Variants in GOLPH3 observed in about 807,000 individuals in gnomAD.
GOLPH3 encodes the protein coat protein GPP34.
GOLPH3 carries 14 observed loss-of-function variants against 28.5 expected under a neutral mutation model. The observed-to-expected ratio is 0.49, with a 90% confidence interval of 0.32 to 0.77. GOLPH3 has a LOEUF of 0.77. GOLPH3 is among the 30% of genes least tolerant of loss of function. GOLPH3 has a pLI of 0.03. For synonymous variants in GOLPH3, 158 were observed against 159.2 expected, an observed-to-expected ratio of 0.99 and a Z score of 0.06; for missense variants, 350 against 393.7, an observed-to-expected ratio of 0.89 and a Z score of 0.94.
At chr5:32,161,266 A>G (rs1304119275) in intron 1 of GOLPH3, among the ~76,000 whole-genome samples, 3 of 150,100 alleles carry the variant, frequency 2.0e-5, no homozygotes, top group African/African-American at 7.5e-5. Flanking sequence ...AGCCAGGTAT[A>G]GTGGCGCACG....
intron 1 of GOLPH3, 129 bp from the exon 2 acceptor site, chr5:32,144,009 A>G (rs986750123): frequency 2.4e-5 from 13 of 536,826 alleles, no homozygotes; most frequent in African/African-American, 2.4e-4. Flanking sequence ...CTATAATAAT[A>G]TACTGAAAAA....
chr5:32,143,212 C>T lies in GOLPH3; in HGVS notation c.357+537G>A, dbSNP rs530732793. Among the ~76,000 whole-genome samples, 57 of 152,060 alleles carry T rather than the reference C, an allele frequency of 3.7e-4. No homozygotes were observed. The South Asian group carries it at 0.011, about 30-fold the overall frequency. On this transcript the variant is annotated intron_variant, in intron 2 of 3. Transcript: ENST00000265070. ...CACTCAGGGTTGAATGGATTAAGGG[C>T]GGTGCAAGATGTGCTTTGTTAAACA...
At chr5:32,141,346 G>C (rs919843564) in intron 2 of GOLPH3, among the ~76,000 whole-genome samples, 1 of 152,020 alleles carries the variant, frequency 6.6e-6, no homozygotes, top group Non-Finnish European at 1.5e-5. Context: ...CAAACTGGAA[G>C]AAAAACAGTA....
intron 2 of GOLPH3, among the ~76,000 whole-genome samples, chr5:32,136,773 T>C (rs187774284): frequency 7.0e-4 from 107 of 152,330 alleles, no homozygotes; most frequent in African/African-American, 2.1e-3. Context: ...TTAAGTATAA[T>C]ACAAATATTC....
At chr5:32,135,877 G>C (rs984162401) in intron 2 of GOLPH3, among the ~76,000 whole-genome samples, 191 bp from the exon 3 acceptor site, 1 of 152,080 alleles carries the variant, frequency 6.6e-6, no homozygotes, top group African/African-American at 2.4e-5. Context: ...AACCAGATTA[G>C]ATATAATAAT....
intron 3 of GOLPH3, 110 bp downstream of exon 3, chr5:32,135,462 A>G: frequency 1.5e-6 from 1 of 678,238 alleles, no homozygotes; most frequent in Non-Finnish European, 2.6e-6. Flanking sequence ...AAGTTTGCCT[A>G]AATAACTAAA....
chr5:32,166,990 TAAA>T (rs886145673), intron 1 of GOLPH3, among the ~76,000 whole-genome samples: 7 of 151,722 alleles, frequency 4.6e-5, no homozygotes, highest in African/African-American at 1.7e-4. Flanking sequence ...TGCAAAGACA[TAAA>T]AAAGTGTACA....
intron 3 of GOLPH3, among the ~76,000 whole-genome samples, chr5:32,129,838 A>AC (rs564079110): frequency 7.2e-4 from 110 of 151,872 alleles, no homozygotes; most frequent in African/African-American, 2.5e-3. Flanking sequence ...AAAGTGTGTA[A>AC]CTTCCACCCT....
chr5:32,160,343 G>A (rs549911195), intron 1 of GOLPH3, among the ~76,000 whole-genome samples: 2 of 152,282 alleles, frequency 1.3e-5, no homozygotes, highest in East Asian at 3.9e-4. Flanking sequence ...CTCCCAAAGT[G>A]CTGGGATTAC....
rs750511308 is a variant in GOLPH3, at chr5:32,173,936, G to A, written c.99C>T (p.Ala33=). 57 of 1,481,882 alleles carry A rather than the reference G, an allele frequency of 3.8e-5. No individual in the cohort carries two copies. The highest frequency in any genetic ancestry group is 1.9e-4 in the Middle Eastern group (1 of 5,282). 91.8% of individuals were successfully genotyped at this position (1,481,882 alleles called of 1,614,324 possible). A position where few individuals can be genotyped will look rare whatever the true frequency, so the allele number is the denominator to read the frequency against. Residue 33 remains alanine, a synonymous_variant, in exon 1 of 4, where the codon GCC becomes GCT. Coordinates refer to ENST00000265070, the MANE Select transcript of GOLPH3 (RefSeq NM_022130.4). The part of the protein sequence containing the change: ...ADKERAAGGG[A]GSSEDDAQSR... ...TCTGCGCGTCGTCCTCGCTGCTGCC[G>A]GCGCCGCCGCCCGCCGCCCGCTCCT...
chr5:32,167,506 T>C (rs1746743325), intron 1 of GOLPH3, among the ~76,000 whole-genome samples: 1 of 152,052 alleles, frequency 6.6e-6, no homozygotes, highest in South Asian at 2.1e-4. Context: ...ATTCAAATGC[T>C]CCATACAAGA....
At chr5:32,135,113 T>G (rs968241347) in intron 3 of GOLPH3, among the ~76,000 whole-genome samples, 4 of 152,210 alleles carry the variant, frequency 2.6e-5, no homozygotes, top group African/African-American at 9.6e-5. Flanking sequence ...GCCAGAGTGA[T>G]GTGCTATGGT....
At chr5:32,146,784 G>C (rs1746186259) in intron 1 of GOLPH3, among the ~76,000 whole-genome samples, 2 of 152,054 alleles carry the variant, frequency 1.3e-5, no homozygotes, top group African/African-American at 4.8e-5. Flanking sequence ...ATGAGAAACA[G>C]ATAAAAAATT....
At chr5:32,149,788 C>A (rs529164479) in intron 1 of GOLPH3, among the ~76,000 whole-genome samples, 2 of 152,140 alleles carry the variant, frequency 1.3e-5, no homozygotes, top group East Asian at 1.9e-4. Flanking sequence ...CCTGAGGTCA[C>A]GAGTTCAAGA....
At chr5:32,149,962 G>C (rs1289991905) in intron 1 of GOLPH3, among the ~76,000 whole-genome samples, 2 of 151,708 alleles carry the variant, frequency 1.3e-5, no homozygotes, top group African/African-American at 4.8e-5. Flanking sequence ...CTTCAGCCTG[G>C]GCAAAAGAGT....
chr5:32,174,069 G>A lies in GOLPH3; in HGVS notation c.-35C>T. The A allele has an allele frequency of 8.1e-7, 1 of 1,240,826 alleles. No homozygotes were observed. 76.9% of individuals were successfully genotyped at this position (1,240,826 alleles called of 1,614,324 possible). On this transcript the variant is annotated 5_prime_UTR_variant, in exon 1 of 4. Transcript: ENST00000265070. ...CGAGGCGCCGAGCCGGGCCGAGAGG[G>A]TCGCAGGACCGACCGGGTCGCCCTC... is the stretch of plus-strand genomic sequence containing the variant.
At chr5:32,148,538 C>T (rs1038043843) in intron 1 of GOLPH3, among the ~76,000 whole-genome samples, 3 of 152,224 alleles carry the variant, frequency 2.0e-5, no homozygotes, top group African/African-American at 7.2e-5. Context: ...TGGCTCACGC[C>T]TGTAATCCCA....
chr5:32,166,970 G>A (rs185278890), intron 1 of GOLPH3, among the ~76,000 whole-genome samples: 1 of 151,884 alleles, frequency 6.6e-6, no homozygotes, highest in Non-Finnish European at 1.5e-5. Flanking sequence ...GTTAGAAGGG[G>A]GGGGGAGTTT....
intron 3 of GOLPH3, among the ~76,000 whole-genome samples, chr5:32,128,353 A>G (rs1745730127): frequency 6.6e-6 from 1 of 152,206 alleles, no homozygotes; most frequent in Admixed American, 6.5e-5. Flanking sequence ...CACCCTAGAC[A>G]TGCCCTAATA....
Sources: gnomAD v4.1 joint callset for allele counts (sites outside exome capture counted in the v4.1 genomes callset) on GRCh38, gnomAD v4.1.1 for gene constraint, MANE v1.5 for transcripts, NCBI Gene and HGNC (gene_info 2026-07-23, HGNC 2026-07-21) for gene names.